Variants in NWD1 observed in about 807,000 individuals in gnomAD.
NWD1 encodes the protein NACHT domain- and WD repeat-containing protein 1.
Under a neutral mutation model 135.1 loss-of-function variants are expected in NWD1, and 129 were observed. The ratio of observed to expected loss-of-function variants is 0.96; its 90% CI spans 0.83 to 1.11. NWD1 has a LOEUF of 1.11. NWD1 is among the 50% of genes least tolerant of loss of function. NWD1 has a pLI of 0.00. For missense variants in NWD1, 1,740 were observed against 1,851.3 expected (o/e 0.94, Z 1.10); for synonymous variants, 773 against 786.0 (o/e 0.98, Z 0.28).
At chr19:16,742,275 T>C (rs1289219784) in intron 4 of NWD1, among the ~76,000 whole-genome samples, 1 of 152,024 alleles carries the variant, frequency 6.6e-6, no homozygotes, top group East Asian at 1.9e-4. Context: ...CTCAGGAGGC[T>C]GAGGCCGGAG....
intron 6 of NWD1, among the ~76,000 whole-genome samples, chr19:16,758,568 C>G (rs147640381): frequency 1.3e-5 from 2 of 152,184 alleles, no homozygotes; most frequent in African/African-American, 2.4e-5. Context: ...TGAGCCACCA[C>G]GCCCAGCCCA....
At chr19:16,760,910 T>G (rs1370363504) in intron 7 of NWD1, among the ~76,000 whole-genome samples, 1 of 152,172 alleles carries the variant, frequency 6.6e-6, no homozygotes, top group Non-Finnish European at 1.5e-5. Context: ...AGTTGACAAT[T>G]GAGTGGTATT....
In NWD1 at chr19:16,750,196, GCA is replaced by G; in HGVS notation, c.1559_1560del (p.Thr520ArgfsTer21). ...AAARRTLSPVHTDLLWASLPE... is the reference protein window; with the variant it reads ...AAARRTLSPVXTDLLWASLPE... ...CTGCAAGGAGGACGCTGAGCCCGGT[GCA>G]CACAGATTTGCTCTGGGCCAGCCTC... On this transcript the variant is annotated frameshift_variant, in exon 6 of 19. Coordinates refer to ENST00000524140, the MANE Select transcript of NWD1 (RefSeq NM_001007525.5). LOFTEE classifies it high-confidence loss of function. The G allele has an allele frequency of 1.2e-6, 2 of 1,613,358 alleles. No individual in the cohort carries two copies. The highest frequency in any genetic ancestry group is 2.2e-5 in the South Asian group (2 of 91,040).
At chr19:16,782,285 A>G (rs1366923562) in intron 12 of NWD1, among the ~76,000 whole-genome samples, 5 of 97,674 alleles carry the variant, frequency 5.1e-5, no homozygotes, top group Admixed American at 9.6e-5. Context: ...CGTCACCTCT[A>G]AAAAAAAAAA....
At chr19:16,791,300 T>TTG in intron 13 of NWD1, 50 bp from the exon 14 acceptor site, 1 of 1,560,376 alleles carries the variant, frequency 6.4e-7, no homozygotes, top group Non-Finnish European at 8.8e-7. Context: ...GGGAAACTTG[T>TTG]AGTCTAGGTC....
chr19:16,781,174 G>A (rs1411525461), intron 12 of NWD1, among the ~76,000 whole-genome samples: 1 of 152,172 alleles, frequency 6.6e-6, no homozygotes, highest in African/African-American at 2.4e-5. Flanking sequence ...ATGCTGAAGA[G>A]AGATAGACGA....
At chr19:16,791,699 A>G (rs1240092439) in intron 14 of NWD1, 77 bp downstream of exon 14, 1 of 1,401,692 alleles carries the variant, frequency 7.1e-7, no homozygotes, top group African/African-American at 1.4e-5. Flanking sequence ...GTTGGGAAAA[A>G]TAATCTTGCC....
intron 4 of NWD1, among the ~76,000 whole-genome samples, chr19:16,738,671 G>A (rs1967940082): frequency 6.8e-6 from 1 of 146,040 alleles, no homozygotes; most frequent in African/African-American, 2.5e-5. Context: ...ACGAAAGACT[G>A]TAACAAGGGC....
Position 16,815,536 on chromosome 19 carries a change from A to G in NWD1, c.*497A>G. ...TTCTCAGACTTGCCACCCCCAGGTT[A>G]GCAACATGGTGGCCAATATGCTGCT... On this transcript the variant is annotated 3_prime_UTR_variant, in exon 19 of 19. Coordinates refer to ENST00000524140, the MANE Select transcript of NWD1 (RefSeq NM_001007525.5). 2 of 536,812 alleles carry G rather than the reference A, an allele frequency of 3.7e-6. No individual in the cohort carries two copies. Among genetic ancestry groups the G allele is most frequent in the East Asian group, 6.4e-5 (2 of 31,448 alleles). 33.3% of individuals were successfully genotyped at this position (536,812 alleles called of 1,614,324 possible). A position where few individuals can be genotyped will look rare whatever the true frequency, so the allele number is the denominator to read the frequency against.
chr19:16,750,937 C>T (rs914148707), intron 6 of NWD1, among the ~76,000 whole-genome samples: 8 of 152,140 alleles, frequency 5.3e-5, no homozygotes, highest in African/African-American at 1.7e-4. Flanking sequence ...TTGCAATAAA[C>T]TAGGCCAGGC....
intron 2 of NWD1, among the ~76,000 whole-genome samples, chr19:16,725,296 G>A (rs568059986): frequency 6.6e-6 from 1 of 151,702 alleles, no homozygotes. Context: ...GATCCACTGG[G>A]CCCAGACTCT....
intron 7 of NWD1, 70 bp from the exon 8 acceptor site, chr19:16,761,908 AG>A: frequency 7.3e-7 from 1 of 1,367,430 alleles, no homozygotes; most frequent in Middle Eastern, 1.9e-4. Flanking sequence ...AACTGCCTCC[AG>A]GAAGACAAGC....
chr19:16,725,665 G>A (rs1967300686), intron 2 of NWD1, among the ~76,000 whole-genome samples: 3 of 152,000 alleles, frequency 2.0e-5, no homozygotes, highest in African/African-American at 4.8e-5. Context: ...CGATGCTTCC[G>A]CCTCAGCCTC....
chr19:16,799,795 A>C, intron 16 of NWD1, 91 bp from the exon 17 acceptor site: 3 of 1,252,834 alleles, frequency 2.4e-6, no homozygotes, highest in Non-Finnish European at 3.3e-6. Flanking sequence ...GGCGTGAGCC[A>C]CCGCGCCTGG....
rs112474337 is a variant in NWD1 at position 16,759,205 on chromosome 19, C to G, written c.1770-20C>G. The G allele has an allele frequency of 1.7e-5, 27 of 1,602,326 alleles. 1 individual carries two copies. The African/African-American group carries it at 2.4e-4, about 14-fold the overall frequency. ...GAAGACATGAGATGTGCCTCAAAGCCCCACTGGTCCTCCCTTCAGACACGG... is the reference window on the plus strand; with the variant it reads ...GAAGACATGAGATGTGCCTCAAAGCGCCACTGGTCCTCCCTTCAGACACGG... On this transcript the variant is annotated intron_variant, in intron 6 of 18. Transcript: ENST00000524140.
chr19:16,769,479 A>T (rs537890096), intron 10 of NWD1, among the ~76,000 whole-genome samples: 29 of 150,954 alleles, frequency 1.9e-4, no homozygotes, highest in Non-Finnish European at 3.8e-4. Context: ...AAAGAGCCCA[A>T]ATCTCACTAA....
intron 6 of NWD1, among the ~76,000 whole-genome samples, chr19:16,755,650 AG>A: frequency 6.6e-6 from 1 of 152,072 alleles, no homozygotes; most frequent in East Asian, 1.9e-4. Context: ...GGCCTCCCAA[AG>A]TGCTAGGATT....
chr19:16,773,475 C>T (rs757312418), intron 11 of NWD1, 152 bp downstream of exon 11: 2 of 633,136 alleles, frequency 3.2e-6, no homozygotes, highest in South Asian at 1.9e-5. Context: ...CTGTCTCATG[C>T]TGAATCAGCT....
intron 9 of NWD1, 48 bp downstream of exon 9, chr19:16,763,993 A>G: frequency 8.9e-7 from 1 of 1,121,726 alleles, no homozygotes; most frequent in South Asian, 1.2e-5. Flanking sequence ...TGACTGCACC[A>G]CGCTCCAGTC....
Sources: allele counts gnomAD v4.1 joint callset (sites outside exome capture counted in the v4.1 genomes callset), GRCh38; gene constraint gnomAD v4.1.1; transcripts MANE v1.5; gene names NCBI Gene and HGNC (gene_info 2026-07-23, HGNC 2026-07-21).